Variants in RAP1GDS1 observed in about 807,000 individuals in gnomAD.
RAP1GDS1 encodes the protein RAP1, GTP-GDP dissociation stimulator 1.
A neutral mutation model predicts 71.1 loss-of-function variants in RAP1GDS1; 35 were observed. The observed-to-expected ratio is 0.49, with a 90% confidence interval of 0.38 to 0.65. The LOEUF (loss-of-function observed/expected upper bound fraction) is 0.65. RAP1GDS1 is among the 30% of genes least tolerant of loss of function. RAP1GDS1 has a pLI of 0.00. For synonymous variants in RAP1GDS1, 229 were observed against 243.1 expected, an observed-to-expected ratio of 0.94 and a Z score of 0.54; for missense variants, 663 against 706.1, an observed-to-expected ratio of 0.94 and a Z score of 0.69.
At chr4:98,319,500 G>T (rs1731452252) in intron 2 of RAP1GDS1, among the ~76,000 whole-genome samples, 1 of 151,864 alleles carries the variant, frequency 6.6e-6, no homozygotes, top group Non-Finnish European at 1.5e-5. Flanking sequence ...GGGTTTTGTG[G>T]CTGGGCATGG....
intron 1 of RAP1GDS1, among the ~76,000 whole-genome samples, chr4:98,285,943 T>A (rs1450926839): frequency 6.7e-6 from 1 of 148,596 alleles, no homozygotes; most frequent in Non-Finnish European, 1.5e-5. Flanking sequence ...ATATTCATAT[T>A]TATTATAATA....
In RAP1GDS1 at chr4:98,285,429, GA is replaced by G. The variant is rs1347590601; in HGVS notation, c.5-7974del. On this transcript the variant is annotated intron_variant, in intron 1 of 14. Transcript: ENST00000408927. ...GATAAATTTTACCAGTTTGGCTAAT[GA>G]AAAATGTCAATTAGTACTTTTAAAT... Among the ~76,000 whole-genome samples the G allele has an allele frequency of 2.6e-5, 4 of 152,220 alleles. No individual in the cohort carries two copies. The South Asian group carries it at 8.3e-4, about 32-fold the overall frequency.
intron 5 of RAP1GDS1, 92 bp from the exon 6 acceptor site, chr4:98,391,860 A>G (rs950449060): frequency 5.3e-5 from 65 of 1,219,820 alleles, no homozygotes; most frequent in Non-Finnish European, 6.7e-5. Context: ...TGAGTTTCCA[A>G]TAGGGAAAAT....
At chr4:98,365,537 C>T (rs753584922) in intron 4 of RAP1GDS1, among the ~76,000 whole-genome samples, 1 of 151,962 alleles carries the variant, frequency 6.6e-6, no homozygotes, top group Non-Finnish European at 1.5e-5. Context: ...GTGGGAGGAT[C>T]GCTTGAGCCT....
chr4:98,296,766 C>G (rs1727815962), intron 2 of RAP1GDS1, among the ~76,000 whole-genome samples: 1 of 152,104 alleles, frequency 6.6e-6, no homozygotes, highest in African/African-American at 2.4e-5. Context: ...CTATTTTCAT[C>G]CCCAAACATT....
intron 2 of RAP1GDS1, among the ~76,000 whole-genome samples, chr4:98,309,364 C>T (rs1729858670): frequency 6.6e-6 from 1 of 151,760 alleles, no homozygotes; most frequent in African/African-American, 2.4e-5. Flanking sequence ...GATATTACAC[C>T]ATGGGAATTT....
At chr4:98,367,834 A>G (rs1739744679) in intron 4 of RAP1GDS1, among the ~76,000 whole-genome samples, 1 of 152,158 alleles carries the variant, frequency 6.6e-6, no homozygotes, top group Non-Finnish European at 1.5e-5. Context: ...TCTAGGAAGT[A>G]ACTAACTTGC....
chr4:98,350,446 C>T (rs1736997683), intron 3 of RAP1GDS1, among the ~76,000 whole-genome samples: 1 of 152,116 alleles, frequency 6.6e-6, no homozygotes, highest in African/African-American at 2.4e-5. Flanking sequence ...GTGGTTCTCA[C>T]CTATAATCCT....
intron 7 of RAP1GDS1, among the ~76,000 whole-genome samples, chr4:98,414,850 A>G (rs916522995): frequency 6.6e-6 from 1 of 152,062 alleles, no homozygotes; most frequent in Non-Finnish European, 1.5e-5. Context: ...ACCCATGAGC[A>G]TGGAATGTTC....
intron 3 of RAP1GDS1, among the ~76,000 whole-genome samples, chr4:98,346,840 G>C (rs925606680): frequency 1.3e-5 from 2 of 152,084 alleles, no homozygotes; most frequent in African/African-American, 4.8e-5. Context: ...CACTGCGCCC[G>C]GCCAGTACTT....
intron 5 of RAP1GDS1, among the ~76,000 whole-genome samples, chr4:98,389,087 CA>C (rs1242075338): frequency 2.0e-5 from 3 of 152,226 alleles, no homozygotes; most frequent in Non-Finnish European, 4.4e-5. Context: ...GCTAAAATGC[CA>C]GCAGTTTTAC....
intron 2 of RAP1GDS1, among the ~76,000 whole-genome samples, chr4:98,311,900 A>C (rs1730281770): frequency 6.6e-6 from 1 of 152,154 alleles, no homozygotes; most frequent in South Asian, 2.1e-4. Flanking sequence ...CAGCCTCCCA[A>C]ACCGTAGGGT....
At chr4:98,272,148 G>A (rs944244844) in intron 1 of RAP1GDS1, among the ~76,000 whole-genome samples, 12 of 152,232 alleles carry the variant, frequency 7.9e-5, no homozygotes, top group African/African-American at 1.9e-4. Flanking sequence ...GCCATGAGGC[G>A]GAATCAAAGA....
rs575802779 is a variant in RAP1GDS1, at chr4:98,351,956, A to G, written c.236-520A>G. Among the ~76,000 whole-genome samples, 3 of 151,574 alleles carry G rather than the reference A, an allele frequency of 2.0e-5. No individual in the cohort carries two copies. The East Asian group carries it at 5.8e-4, about 29-fold the overall frequency. Reference sequence around the variant, plus strand: ...CCACATCTTACCAATCAAAAAGGACATATTATTTTTTAATGGTTCACTGAA... The same window carrying G: ...CCACATCTTACCAATCAAAAAGGACGTATTATTTTTTAATGGTTCACTGAA... On this transcript the variant is annotated intron_variant, in intron 3 of 14. Transcript: ENST00000408927.
At chr4:98,383,149 G>T (rs1418106985) in intron 5 of RAP1GDS1, among the ~76,000 whole-genome samples, 1 of 151,766 alleles carries the variant, frequency 6.6e-6, no homozygotes, top group South Asian at 2.1e-4. Flanking sequence ...CTCATGGAAG[G>T]TGTAATTGAG....
At chr4:98,414,717 A>G (rs1241665586) in intron 7 of RAP1GDS1, among the ~76,000 whole-genome samples, 1 of 151,640 alleles carries the variant, frequency 6.6e-6, no homozygotes, top group Non-Finnish European at 1.5e-5. Flanking sequence ...TTGGTTCCAT[A>G]TGAACTTTAA....
At chr4:98,289,554 CAAAAAAAAAA>C (rs6148589) in intron 1 of RAP1GDS1, among the ~76,000 whole-genome samples, 3 of 101,988 alleles carry the variant, frequency 2.9e-5, no homozygotes, top group African/African-American at 1.1e-4. Flanking sequence ...CTCTGGTAAA[CAAAAAAAAAA>C]AAAAAAAAAA....
intron 2 of RAP1GDS1, among the ~76,000 whole-genome samples, chr4:98,331,636 G>T (rs1289655606): frequency 6.6e-6 from 1 of 152,096 alleles, no homozygotes; most frequent in Admixed American, 6.5e-5. Context: ...GAAAGATCTA[G>T]TATCACCTAC....
At chr4:98,261,809 C>CT (rs1206864273) in intron 1 of RAP1GDS1, among the ~76,000 whole-genome samples, 2 of 152,076 alleles carry the variant, frequency 1.3e-5, no homozygotes, top group African/African-American at 4.8e-5. Flanking sequence ...CGCCCGGCTC[C>CT]CCGGCACCTC....
Sources: gnomAD v4.1 joint callset for allele counts (sites outside exome capture counted in the v4.1 genomes callset) on GRCh38, gnomAD v4.1.1 for gene constraint, MANE v1.5 for transcripts, NCBI Gene and HGNC (gene_info 2026-07-23, HGNC 2026-07-21) for gene names.